Variants in PITPNC1 observed in about 807,000 individuals in gnomAD.
The protein encoded by PITPNC1 is cytoplasmic phosphatidylinositol transfer protein 1.
Under a neutral mutation model 44.7 loss-of-function variants are expected in PITPNC1, and 18 were observed. The ratio of observed to expected loss-of-function variants is 0.40; its 90% CI spans 0.28 to 0.60. PITPNC1 has a LOEUF of 0.60. Ranked by LOEUF, PITPNC1 falls within the 20% of genes least tolerant of loss-of-function variation. The pLI, the probability that PITPNC1 is intolerant of heterozygous loss-of-function variation, is 0.39. For synonymous variants in PITPNC1, 141 were observed against 149.6 expected, an observed-to-expected ratio of 0.94 and a Z score of 0.42; for missense variants, 290 against 418.4, an observed-to-expected ratio of 0.69 and a Z score of 2.68.
chr17:67,424,854 T>C (rs1408945069), intron 1 of PITPNC1, among the ~76,000 whole-genome samples: 1 of 151,934 alleles, frequency 6.6e-6, no homozygotes, highest in Non-Finnish European at 1.5e-5. Context: ...GTGACCTTCG[T>C]GTATACATCC....
At position 67,481,222 on chromosome 17, in the gene PITPNC1, A is replaced by G. The variant is rs1322749207; in HGVS notation, c.49-51580A>G. Among the ~76,000 whole-genome samples, 3 of 152,190 alleles carry G rather than the reference A, an allele frequency of 2.0e-5. No individual in the cohort carries two copies. The East Asian group carries it at 5.8e-4, about 29-fold the overall frequency. ...GACCTGGCCTGCCTTGTTATCTTCT[A>G]AAGAGCCAAGTCTGGGTGCTGTCGT... On this transcript the variant is annotated intron_variant, in intron 1 of 8. Coordinates refer to ENST00000581322, the MANE Select transcript of PITPNC1 (RefSeq NM_012417.4).
At chr17:67,383,766 C>CGGTG (rs1567969472) in intron 1 of PITPNC1, among the ~76,000 whole-genome samples, 1 of 152,066 alleles carries the variant, frequency 6.6e-6, no homozygotes, top group Admixed American at 6.6e-5. Context: ...TGGCCAGGCG[C>CGGTG]GGTGGCTCAT....
rs142808343 is a variant in PITPNC1, at chr17:67,422,255, A to C, written c.48+44053A>C. On this transcript the variant is annotated intron_variant, in intron 1 of 8. Transcript: ENST00000581322. ...TTAATACATTCCTTTGACATTGTCTACTTACCATTGCATAGAGTTGGAGGT... is the reference window on the plus strand; with the variant it reads ...TTAATACATTCCTTTGACATTGTCTCCTTACCATTGCATAGAGTTGGAGGT... 1.2e-3 allele frequency among the ~76,000 whole-genome samples: 189 copies of C among 152,336 alleles called. 1 individual carries two copies. Among genetic ancestry groups the C allele is most frequent in the Non-Finnish European group, 2.4e-3 (160 of 68,032 alleles).
At chr17:67,406,761 A>C (rs2038407766) in intron 1 of PITPNC1, among the ~76,000 whole-genome samples, 1 of 151,796 alleles carries the variant, frequency 6.6e-6, no homozygotes, top group East Asian at 1.9e-4. Context: ...TAATTTTTGT[A>C]TTTTTAGTAG....
intron 1 of PITPNC1, among the ~76,000 whole-genome samples, chr17:67,424,755 T>TG (rs1175470524): frequency 5.3e-5 from 8 of 149,842 alleles, no homozygotes; most frequent in Non-Finnish European, 7.4e-5. Flanking sequence ...TGGAGTACAG[T>TG]GGCGTGATCG....
intron 1 of PITPNC1, among the ~76,000 whole-genome samples, chr17:67,460,253 G>C (rs2039315959): frequency 6.6e-6 from 1 of 152,148 alleles, no homozygotes; most frequent in East Asian, 1.9e-4. Context: ...TGGCTAAGCA[G>C]TTTAAGGCAT....
chr17:67,490,246 A>G (rs1418330234), intron 1 of PITPNC1, among the ~76,000 whole-genome samples: 1 of 151,286 alleles, frequency 6.6e-6, no homozygotes, highest in Non-Finnish European at 1.5e-5. Flanking sequence ...GCTAAGAATG[A>G]GGAGACCTGG....
At chr17:67,530,027 G>T (rs1004343036) in intron 1 of PITPNC1, among the ~76,000 whole-genome samples, 1 of 151,114 alleles carries the variant, frequency 6.6e-6, no homozygotes, top group Non-Finnish European at 1.5e-5. Context: ...CAGCAGGCTT[G>T]GTTCCTTCTG....
chr17:67,409,275 G>A (rs921155613), intron 1 of PITPNC1, among the ~76,000 whole-genome samples: 1 of 149,914 alleles, frequency 6.7e-6, no homozygotes, highest in Admixed American at 6.6e-5. Context: ...TAGTAGAGAC[G>A]GGGTTTCACC....
intron 1 of PITPNC1, among the ~76,000 whole-genome samples, chr17:67,509,083 A>T (rs2040144680): frequency 6.6e-6 from 1 of 151,644 alleles, no homozygotes; most frequent in Non-Finnish European, 1.5e-5. Flanking sequence ...AAAATACAAA[A>T]ATTAACCGGG....
At chr17:67,385,178 A>G (rs1369618751) in intron 1 of PITPNC1, among the ~76,000 whole-genome samples, 2 of 152,174 alleles carry the variant, frequency 1.3e-5, no homozygotes, top group Non-Finnish European at 2.9e-5. Context: ...TGTAAAATGC[A>G]CCAATCAGCG....
At chr17:67,423,903 C>G (rs1393777040) in intron 1 of PITPNC1, among the ~76,000 whole-genome samples, 1 of 152,044 alleles carries the variant, frequency 6.6e-6, no homozygotes, top group Non-Finnish European at 1.5e-5. Flanking sequence ...GGATCAGTTT[C>G]ACAGAAGAGG....
At chr17:67,641,823 A>AATAATAATG (rs1351680262) in intron 6 of PITPNC1, among the ~76,000 whole-genome samples, 2 of 148,466 alleles carry the variant, frequency 1.3e-5, no homozygotes, top group Non-Finnish European at 3.0e-5. Context: ...TAATAATAAT[A>AATAATAATG]AGCGAGTGTA....
At chr17:67,574,332 C>T (rs1216848469) in intron 4 of PITPNC1, among the ~76,000 whole-genome samples, 1 of 152,106 alleles carries the variant, frequency 6.6e-6, no homozygotes, top group Non-Finnish European at 1.5e-5. Context: ...ATATCTTTCT[C>T]GGATTCACAA....
At chr17:67,426,460 A>G (rs12950444) in intron 1 of PITPNC1, among the ~76,000 whole-genome samples, 91,067 of 152,012 alleles carry the variant, frequency 0.6, 28,563 homozygotes, top group African/African-American at 0.78. Flanking sequence ...CCTTTGCAGG[A>G]ACATGGATGA....
chr17:67,596,568 T>G (rs2041462914), intron 5 of PITPNC1, among the ~76,000 whole-genome samples: 2 of 152,166 alleles, frequency 1.3e-5, no homozygotes, highest in African/African-American at 4.8e-5. Context: ...TGGAGTGCAG[T>G]GGCCCGATCT....
chr17:67,522,603 T>C (rs1370336414), intron 1 of PITPNC1, among the ~76,000 whole-genome samples: 1 of 151,340 alleles, frequency 6.6e-6, no homozygotes, highest in Non-Finnish European at 1.5e-5. Context: ...AATGACAAGT[T>C]CTGAGCCTTT....
chr17:67,447,704 C>G (rs1406351098), intron 1 of PITPNC1, among the ~76,000 whole-genome samples: 2 of 150,130 alleles, frequency 1.3e-5, no homozygotes, highest in Admixed American at 1.3e-4. Flanking sequence ...TGGTGCCATC[C>G]CTGCTTGGAG....
intron 1 of PITPNC1, among the ~76,000 whole-genome samples, chr17:67,387,756 A>C (rs1567971093): frequency 6.6e-6 from 1 of 152,198 alleles, no homozygotes; most frequent in African/African-American, 2.4e-5. Flanking sequence ...TTATTCCTTC[A>C]GAGCATTTAT....
Sources: gnomAD v4.1 joint callset for allele counts (sites outside exome capture counted in the v4.1 genomes callset) on GRCh38, gnomAD v4.1.1 for gene constraint, MANE v1.5 for transcripts, NCBI Gene and HGNC (gene_info 2026-07-23, HGNC 2026-07-21) for gene names.